Variants in QDPR observed in about 807,000 individuals in gnomAD.
The protein encoded by QDPR is dihydropteridine reductase.
In QDPR, 23 loss-of-function variants were observed where a neutral mutation model predicts 31.7. That is an observed-to-expected ratio of 0.73 (90% CI 0.52 to 1.03). The LOEUF (loss-of-function observed/expected upper bound fraction) is 1.03, where lower values mean the gene tolerates loss of function less well. Ranked by LOEUF, QDPR falls within the 50% of genes least tolerant of loss-of-function variation. The pLI, the probability that QDPR is intolerant of heterozygous loss-of-function variation, is 0.00. For synonymous variants in QDPR, 124 were observed against 124.7 expected, an observed-to-expected ratio of 0.99 and a Z score of 0.03; for missense variants, 324 against 323.8, an observed-to-expected ratio of 1.00 and a Z score of 0.00.
Position 17,489,807 on chromosome 4 carries a change from C to T in QDPR, c.629+855G>A, listed in dbSNP as rs1471938835. The stretch of plus-strand genomic sequence containing the variant: ...CGATTTAATTTAAATGAGATTGTGA[C>T]ATCAGGCCAGAAGCACACTGCTAAC... On this transcript the variant is annotated intron_variant, in intron 6 of 6. Transcript: ENST00000281243. 2.0e-5 allele frequency among the ~76,000 whole-genome samples: 3 copies of T among 152,206 alleles called. No homozygotes were observed. In the East Asian group the frequency reaches 5.8e-4, roughly 29 times the overall value.
chr4:17,487,587 CCGA>C (rs1429489931), intron 6 of QDPR, among the ~76,000 whole-genome samples: 2 of 152,030 alleles, frequency 1.3e-5, no homozygotes, highest in Non-Finnish European at 2.9e-5. Context: ...CAGAGGTAAG[CCGA>C]GGTTGCACCA....
chr4:17,501,284 A>C (rs1221628965), intron 4 of QDPR, among the ~76,000 whole-genome samples: 1 of 152,120 alleles, frequency 6.6e-6, no homozygotes, highest in African/African-American at 2.4e-5. Flanking sequence ...GCCTCCCAAA[A>C]GTGCTGGGAT....
At chr4:17,498,263 T>C (rs1718436206) in intron 4 of QDPR, among the ~76,000 whole-genome samples, 1 of 152,192 alleles carries the variant, frequency 6.6e-6, no homozygotes, top group South Asian at 2.1e-4. Context: ...ATCACAAAAC[T>C]GCTTCAACAA....
intron 4 of QDPR, among the ~76,000 whole-genome samples, chr4:17,496,932 T>C (rs962236536): frequency 3.3e-5 from 5 of 152,102 alleles, no homozygotes; most frequent in Non-Finnish European, 7.4e-5. Context: ...ATTTTTGTAT[T>C]TTTTAGTAGA....
intron 2 of QDPR, among the ~76,000 whole-genome samples, chr4:17,507,253 TGTC>T (rs1202836836): frequency 6.6e-6 from 1 of 152,184 alleles, no homozygotes; most frequent in African/African-American, 2.4e-5. Flanking sequence ...TTGTTGGCCT[TGTC>T]ACTTAGTCGC....
intron 1 of QDPR, 67 bp from the exon 2 acceptor site, chr4:17,509,430 G>C (rs1207076500): frequency 1.4e-6 from 2 of 1,404,618 alleles, no homozygotes; most frequent in African/African-American, 1.4e-5. Context: ...GTCACACATA[G>C]AAATGAGGGG....
chr4:17,487,064 G>T lies in QDPR; in HGVS notation c.*67C>A. On this transcript the variant is annotated 3_prime_UTR_variant, in exon 7 of 7. Transcript: ENST00000281243. ...AGGGGTTACAGAAAACACAAGGCTGGACAAGGCCACACTGAGACAGGTTAG... is the reference window on the plus strand; with the variant it reads ...AGGGGTTACAGAAAACACAAGGCTGTACAAGGCCACACTGAGACAGGTTAG... 7.8e-7 allele frequency: 1 copy of T among 1,282,174 alleles called. No individual in the cohort carries two copies. The highest frequency in any genetic ancestry group is 1.1e-6 in the Non-Finnish European group (1 of 879,162). 79.4% of individuals were successfully genotyped at this position (1,282,174 alleles called of 1,614,324 possible).
At chr4:17,495,149 C>T (rs375785672) in intron 4 of QDPR, among the ~76,000 whole-genome samples, 50 of 152,284 alleles carry the variant, frequency 3.3e-4, no homozygotes, top group African/African-American at 8.2e-4. Context: ...GCGGCCCATC[C>T]GGGGCATTTC....
At chr4:17,511,870 A>G in intron 1 of QDPR, 80 bp downstream of exon 1, 1 of 1,426,164 alleles carries the variant, frequency 7.0e-7, no homozygotes, top group Admixed American at 2.3e-5. Flanking sequence ...ACCTTCCTCT[A>G]GACTGCCCCC....
chr4:17,501,677 G>A, intron 4 of QDPR, 42 bp downstream of exon 4: 1 of 1,610,910 alleles, frequency 6.2e-7, no homozygotes, highest in Non-Finnish European at 8.5e-7. Flanking sequence ...CAGCAAGCAA[G>A]GTAAGCAACC....
At chr4:17,490,048 T>A (rs1718102718) in intron 6 of QDPR, 1 of 164,542 alleles carries the variant, frequency 6.1e-6, no homozygotes, top group Non-Finnish European at 1.3e-5. Flanking sequence ...GAGGAACTGA[T>A]ACCTAAACAA....
chr4:17,492,360 T>C lies in QDPR; in HGVS notation c.437-20A>G, dbSNP rs778043869. ...TCATACCTGGGAAATGGGGAGAAGATGGCTCAGTGACCACTGGCGGCCAGG... is the reference window on the plus strand; with the variant it reads ...TCATACCTGGGAAATGGGGAGAAGACGGCTCAGTGACCACTGGCGGCCAGG... On this transcript the variant is annotated intron_variant, in intron 4 of 6. Coordinates refer to ENST00000281243, the MANE Select transcript of QDPR (RefSeq NM_000320.3). The C allele has an allele frequency of 6.2e-7, 1 of 1,600,634 alleles. No individual in the cohort carries two copies. Among genetic ancestry groups the C allele is most frequent in the Non-Finnish European group, 8.6e-7 (1 of 1,167,986 alleles).
intron 2 of QDPR, 131 bp downstream of exon 2, chr4:17,509,140 A>G (rs1049135072): frequency 2.6e-6 from 2 of 756,890 alleles, no homozygotes; most frequent in African/African-American, 3.5e-5. Flanking sequence ...CCTGGGCGAC[A>G]GAGCAAGACT....
intron 4 of QDPR, 99 bp from the exon 5 acceptor site, chr4:17,492,439 T>A (rs1577185928): frequency 2.1e-6 from 2 of 945,222 alleles, no homozygotes; most frequent in South Asian, 2.8e-5. Context: ...CTAAAAACTT[T>A]ATAAATAGCT....
intron 2 of QDPR, 23 bp from the exon 3 acceptor site, chr4:17,504,498 T>A (rs1252260392): frequency 1.9e-6 from 3 of 1,575,622 alleles, no homozygotes; most frequent in South Asian, 2.2e-5. Context: ...AACAAAAAAA[T>A]GTATAAACTG....
chr4:17,490,454 C>G (rs1229523931), intron 6 of QDPR: 4 of 568,184 alleles, frequency 7.0e-6, no homozygotes, highest in East Asian at 6.6e-5. Context: ...CATGTCGGCA[C>G]TACCCATTCT....
rs2597775 is a variant in QDPR at position 17,501,759 on chromosome 4, C to T, written c.396G>A (p.Leu132=). The change falls in exon 4 of 7, where the codon CTG becomes CTA. Residue 132 remains leucine (L), a synonymous_variant. Coordinates refer to ENST00000281243, the MANE Select transcript of QDPR (RefSeq NM_000320.3). ...GGGCAGCCTTTGCGCCAGCCAAGGT[C>T]AGGAGGCCTCCTTCCTTGAGATGCT... The part of the protein sequence containing the change: ...ATKHLKEGGL[L]TLAGAKAALD... The T allele has an allele frequency of 0.32, 511,616 of 1,613,742 alleles. 84,985 individuals carry two copies. The highest frequency in any genetic ancestry group is 0.42 in the Middle Eastern group (2,540 of 6,050).
chr4:17,493,387 T>C (rs75474638), intron 4 of QDPR, among the ~76,000 whole-genome samples: 2 of 152,118 alleles, frequency 1.3e-5, no homozygotes, highest in African/African-American at 4.8e-5. Context: ...CAATTAGCTA[T>C]GATCACGTCA....
chr4:17,511,814 C>T (rs1465778303), intron 1 of QDPR, 136 bp downstream of exon 1: 3 of 826,764 alleles, frequency 3.6e-6, no homozygotes, highest in Non-Finnish European at 5.6e-6. Context: ...TAGACCTGTG[C>T]GCGCACGTGC....
Sources: allele counts gnomAD v4.1 joint callset (sites outside exome capture counted in the v4.1 genomes callset), GRCh38; gene constraint gnomAD v4.1.1; transcripts MANE v1.5; gene names NCBI Gene and HGNC (gene_info 2026-07-23, HGNC 2026-07-21).